Variants in ANK1 observed in about 807,000 individuals in gnomAD.
ANK1 encodes ankyrin-1.
In ANK1, 51 loss-of-function variants were observed where a neutral mutation model predicts 210.4. That is an observed-to-expected ratio of 0.24 (90% CI 0.19 to 0.31). The LOEUF is 0.31. ANK1 is among the 10% of genes least tolerant of loss of function. The probability of loss-of-function intolerance (pLI) is 1.00; values close to 1 mark genes in which losing one functional copy is unlikely to be tolerated. For missense variants in ANK1, 2,051 were observed against 2,504.4 expected, an observed-to-expected ratio of 0.82 and a Z score of 3.86; for synonymous variants, 967 against 1,025.9, an observed-to-expected ratio of 0.94 and a Z score of 1.10.
intron 1 of ANK1, among the ~76,000 whole-genome samples, chr8:41,845,970 C>A (rs1006673447): frequency 6.6e-6 from 1 of 152,138 alleles, no homozygotes; most frequent in Admixed American, 6.5e-5. Context: ...TCATTTCTAC[C>A]ATTTTCTCTG....
At chr8:41,851,098 T>A (rs1274940893) in intron 1 of ANK1, among the ~76,000 whole-genome samples, 1 of 152,232 alleles carries the variant, frequency 6.6e-6, no homozygotes, top group Non-Finnish European at 1.5e-5. Flanking sequence ...CTTTTGACAG[T>A]AAGATGCCTC....
rs978238736 is a variant in ANK1 at position 41,684,959 on chromosome 8, G to T, written c.4391-269C>A. Among the ~76,000 whole-genome samples, 8 of 152,118 alleles carry T rather than the reference G, an allele frequency of 5.3e-5. 1 individual carries two copies. The South Asian group carries it at 1.7e-3, about 32-fold the overall frequency. ...AAAAAAATAAATTATTTTATTTATT[G>T]GTCTCACTCTGTCACCCAGGCTGGA... is the stretch of plus-strand genomic sequence containing the variant. On this transcript the variant is annotated intron_variant, in intron 36 of 42. Coordinates refer to ENST00000289734, the MANE Select transcript of ANK1 (RefSeq NM_000037.4).
rs1012670840 is a variant in ANK1, at chr8:41,654,061, C to T, written c.*1729G>A. 4 of 152,400 alleles carry T rather than the reference C, an allele frequency of 2.6e-5. No homozygotes were observed. The highest frequency in any genetic ancestry group is 9.7e-5 in the African/African-American group (4 of 41,432). 9.4% of individuals were successfully genotyped at this position (152,400 alleles called of 1,614,324 possible). A position where few individuals can be genotyped will look rare whatever the true frequency, so the allele number is the denominator to read the frequency against. On this transcript the variant is annotated 3_prime_UTR_variant, in exon 43 of 43. Coordinates refer to ENST00000289734, the MANE Select transcript of ANK1 (RefSeq NM_000037.4). ...TGCTACTTGGAAGGTTTAAGTGTGT[C>T]CCGAGGACACTCCCGCAGAGCGGCG...
At chr8:41,879,216 A>T (rs1817155890) in intron 1 of ANK1, among the ~76,000 whole-genome samples, 1 of 152,156 alleles carries the variant, frequency 6.6e-6, no homozygotes, top group East Asian at 1.9e-4. Context: ...ATGTAAGTTA[A>T]TCAGTGGGGA....
intron 1 of ANK1, chr8:41,829,001 A>C (rs1806055682): frequency 6.6e-6 from 1 of 152,220 alleles, no homozygotes; most frequent in Non-Finnish European, 1.5e-5. Context: ...TCTTGATTCC[A>C]CCGCCGCAGT....
In ANK1 at chr8:41,672,559, T is replaced by C. The variant is rs1370388534; in HGVS notation, c.4891A>G (p.Thr1631Ala). The change falls in exon 38 of 43, where the codon ACA becomes GCA. Residue 1631 changes from threonine (T) to alanine (A), a missense_variant. Transcript: ENST00000289734. ...TCAAGCAAATCGATAAGGCCATTTG[T>C]GGCATCTGAATCCACTGTGTCGTCC... ...VEDDTVDSDA[T>A]NGLIDLLEQE... 3.1e-6 allele frequency: 5 copies of C among 1,614,214 alleles called. No homozygotes were observed. In the African/African-American group the frequency reaches 5.3e-5, roughly 17 times the overall value.
chr8:41,784,416 T>C (rs17662389), intron 1 of ANK1, among the ~76,000 whole-genome samples: 47,589 of 152,128 alleles, frequency 0.31, 8,397 homozygotes, highest in Non-Finnish European at 0.39. Context: ...TTTTCTGGCT[T>C]TGTAAATGTG....
chr8:41,866,599 T>C (rs1474832431), intron 1 of ANK1, among the ~76,000 whole-genome samples: 1 of 152,234 alleles, frequency 6.6e-6, no homozygotes, highest in Non-Finnish European at 1.5e-5. Context: ...TCTTGCAAAG[T>C]GAAACTCTGT....
chr8:41,657,819 T>G (rs1013809294), intron 42 of ANK1, among the ~76,000 whole-genome samples: 5 of 152,242 alleles, frequency 3.3e-5, no homozygotes, highest in Non-Finnish European at 7.3e-5. Context: ...CCTGCATTGT[T>G]CTGGCCTCTT....
chr8:41,786,283 G>A (rs916812692), intron 1 of ANK1, among the ~76,000 whole-genome samples: 9 of 152,172 alleles, frequency 5.9e-5, no homozygotes, highest in East Asian at 3.9e-4. Flanking sequence ...CTGGAGGGGC[G>A]TCTACAGGCA....
intron 1 of ANK1, among the ~76,000 whole-genome samples, chr8:41,769,734 C>A (rs1390136544): frequency 6.6e-6 from 1 of 152,078 alleles, no homozygotes; most frequent in South Asian, 2.1e-4. Context: ...GGCATAATCA[C>A]CTCCAAAAGT....
intron 2 of ANK1, among the ~76,000 whole-genome samples, chr8:41,752,805 C>T (rs1489346197): frequency 1.3e-5 from 2 of 151,516 alleles, no homozygotes; most frequent in East Asian, 2.0e-4. Flanking sequence ...CAGGCCCCCC[C>T]CCACTGCACC....
Position 41,662,423 on chromosome 8 carries a change from T to C in ANK1, c.5479-482A>G, listed in dbSNP as rs1342223799. Among the ~76,000 whole-genome samples, 5 of 152,332 alleles carry C rather than the reference T, an allele frequency of 3.3e-5. No homozygotes were observed. In the East Asian group the frequency reaches 9.7e-4, roughly 29 times the overall value. ...CCCCATTGCTTAATGGAAAACCCTC[T>C]GCTAGACAGCCCTGAAGGGGCCTTG... On this transcript the variant is annotated intron_variant, in intron 40 of 42. Transcript: ENST00000289734.
At chr8:41,771,186 T>TA (rs1842893654) in intron 1 of ANK1, among the ~76,000 whole-genome samples, 1 of 152,172 alleles carries the variant, frequency 6.6e-6, no homozygotes, top group South Asian at 2.1e-4. Context: ...CTATAAGAGA[T>TA]ACGTGACTTA....
intron 1 of ANK1, among the ~76,000 whole-genome samples, chr8:41,779,053 G>A (rs569938221): frequency 1.1e-4 from 17 of 152,232 alleles, no homozygotes; most frequent in Admixed American, 5.2e-4. Context: ...GTTCAGTCCC[G>A]GAGGCCTTTA....
intron 4 of ANK1, 73 bp from the exon 5 acceptor site, chr8:41,727,421 C>CCAGGTGAGAGGACGTTG: frequency 9.2e-7 from 1 of 1,082,700 alleles, no homozygotes; most frequent in Non-Finnish European, 1.4e-6. Context: ...ACAACGTCCT[C>CCAGGTGAGAGGACGTTG]TCACCTGGAG....
rs1188116507 is a variant in ANK1, at chr8:41,698,257, C to T, written c.2559-136G>A. The stretch of plus-strand genomic sequence containing the variant: ...TGCGCTTCACAACCTGGTGGAAGGA[C>T]CGCCTCCTCCTCCATGAAGTCCTCC... On this transcript the variant is annotated intron_variant, in intron 23 of 42. Transcript: ENST00000289734. 8.5e-6 allele frequency: 7 copies of T among 819,768 alleles called. No individual in the cohort carries two copies. In the Admixed American group the frequency reaches 1.4e-4, roughly 16 times the overall value. The allele number at this position is 819,768 out of a possible 1,614,324, so 50.8% of individuals were successfully genotyped here.
chr8:41,767,829 T>C (rs1289678863), intron 1 of ANK1, among the ~76,000 whole-genome samples: 1 of 152,102 alleles, frequency 6.6e-6, no homozygotes, highest in Non-Finnish European at 1.5e-5. Context: ...AATGCCCTGG[T>C]GAATGGGCCC....
At position 41,655,404 on chromosome 8, in the gene ANK1, A is replaced by AC. The variant is rs112209933; in HGVS notation, c.*385dup. ...GAAGTCAAAACAATTTAAAAAAAAA[A>AC]CCCCAAAACCAAAACCCATCCCCAG... On this transcript the variant is annotated 3_prime_UTR_variant, in exon 43 of 43. Coordinates refer to ENST00000289734, the MANE Select transcript of ANK1 (RefSeq NM_000037.4). 4 of 310,204 alleles carry AC rather than the reference A, an allele frequency of 1.3e-5. No individual in the cohort carries two copies. In the South Asian group the frequency reaches 2.7e-4, roughly 21 times the overall value. The allele number at this position is 310,204 out of a possible 1,614,324, so 19.2% of individuals were successfully genotyped here.
Sources: allele counts gnomAD v4.1 joint callset (sites outside exome capture counted in the v4.1 genomes callset), GRCh38; gene constraint gnomAD v4.1.1; transcripts MANE v1.5; gene names NCBI Gene and HGNC (gene_info 2026-07-23, HGNC 2026-07-21).